Variants in SPAG16 observed in about 807,000 individuals in gnomAD.
SPAG16 encodes the protein sperm associated antigen 16.
Under a neutral mutation model 80.4 loss-of-function variants are expected in SPAG16, and 86 were observed. The observed-to-expected ratio is 1.07, with a 90% CI of 0.90 to 1.28. The LOEUF is 1.28. SPAG16 is among the 50% of genes most tolerant of loss of function. SPAG16 has a pLI of 0.00. For missense variants in SPAG16, 870 were observed against 765.3 expected (o/e 1.14, Z -1.61); for synonymous variants, 294 against 265.9 (o/e 1.11, Z -1.03).
intron 15 of SPAG16, among the ~76,000 whole-genome samples, chr2:214,293,684 C>T (rs1157116403): frequency 6.6e-6 from 1 of 152,202 alleles, no homozygotes; most frequent in Non-Finnish European, 1.5e-5. Context: ...AGCTGTGGAG[C>T]TCATGGTTTG....
At chr2:213,576,255 G>T (rs561478433) in intron 10 of SPAG16, among the ~76,000 whole-genome samples, 1 of 152,052 alleles carries the variant, frequency 6.6e-6, no homozygotes, top group Non-Finnish European at 1.5e-5. Flanking sequence ...TTATTTCTGG[G>T]TTCTCTATTC....
At chr2:213,998,228 G>A (rs1258293184) in intron 12 of SPAG16, among the ~76,000 whole-genome samples, 2 of 152,114 alleles carry the variant, frequency 1.3e-5, no homozygotes, top group Non-Finnish European at 2.9e-5. Context: ...AAGTGATATG[G>A]TTTGGCTTTG....
At chr2:214,323,723 A>T (rs1389625512) in intron 15 of SPAG16, among the ~76,000 whole-genome samples, 1 of 152,236 alleles carries the variant, frequency 6.6e-6, no homozygotes, top group Non-Finnish European at 1.5e-5. Flanking sequence ...AAACTAATAA[A>T]CAAAATTCTC....
intron 15 of SPAG16, among the ~76,000 whole-genome samples, chr2:214,199,218 A>G (rs1273387749): frequency 6.6e-6 from 1 of 152,152 alleles, no homozygotes; most frequent in Admixed American, 6.6e-5. Context: ...GTTAACTTCT[A>G]GAAGTTTTAT....
chr2:214,148,783 A>G (rs2055797873), intron 14 of SPAG16, among the ~76,000 whole-genome samples: 1 of 152,042 alleles, frequency 6.6e-6, no homozygotes, highest in Non-Finnish European at 1.5e-5. Flanking sequence ...ATGTATATAT[A>G]TGCAAATTAT....
chr2:213,928,090 C>CTT (rs369952903), intron 11 of SPAG16, among the ~76,000 whole-genome samples: 155 of 152,106 alleles, frequency 1.0e-3, no homozygotes, highest in African/African-American at 3.3e-3. Context: ...CTTCTCTTCT[C>CTT]TTCTCTTTTC....
At chr2:214,302,306 A>G (rs1171618554) in intron 15 of SPAG16, among the ~76,000 whole-genome samples, 1 of 152,210 alleles carries the variant, frequency 6.6e-6, no homozygotes, top group Non-Finnish European at 1.5e-5. Context: ...CCTGGTCTAG[A>G]GTTCAGTTTA....
At chr2:214,354,220 T>C (rs1698617865) in intron 15 of SPAG16, among the ~76,000 whole-genome samples, 1 of 152,174 alleles carries the variant, frequency 6.6e-6, no homozygotes, top group Non-Finnish European at 1.5e-5. Flanking sequence ...TACATATGGC[T>C]AGCCAGTTTT....
At chr2:213,619,172 A>G (rs2061692276) in intron 10 of SPAG16, among the ~76,000 whole-genome samples, 1 of 152,132 alleles carries the variant, frequency 6.6e-6, no homozygotes, top group Non-Finnish European at 1.5e-5. Context: ...TAAACTGTGG[A>G]CCCTTCCCTC....
chr2:214,191,914 C>G (rs1423318393), intron 15 of SPAG16, among the ~76,000 whole-genome samples: 3 of 151,636 alleles, frequency 2.0e-5, no homozygotes, highest in African/African-American at 7.3e-5. Flanking sequence ...TTTTAATATG[C>G]AAATTCCTGA....
chr2:213,574,709 GATAT>G (rs933555265), intron 10 of SPAG16, among the ~76,000 whole-genome samples: 1 of 143,640 alleles, frequency 7.0e-6, no homozygotes, highest in Non-Finnish European at 1.5e-5. Context: ...TATGATATAT[GATAT>G]ATATATATAT....
chr2:214,198,999 G>A (rs764712340), intron 15 of SPAG16, among the ~76,000 whole-genome samples: 4 of 152,004 alleles, frequency 2.6e-5, no homozygotes, highest in Middle Eastern at 3.4e-3. Flanking sequence ...ATTCTGGATA[G>A]TGGCCCTTTG....
At chr2:213,501,275 A>C (rs1048320794) in intron 10 of SPAG16, among the ~76,000 whole-genome samples, 1 of 152,214 alleles carries the variant, frequency 6.6e-6, no homozygotes, top group Admixed American at 6.5e-5. Flanking sequence ...GAAGCCTAAC[A>C]AATTGTTGAT....
chr2:213,338,876 T>C (rs2064525204), intron 5 of SPAG16, among the ~76,000 whole-genome samples: 1 of 152,030 alleles, frequency 6.6e-6, no homozygotes, highest in Admixed American at 6.6e-5. Context: ...GTGGAGTATG[T>C]GGTTGGGGGA....
At chr2:213,700,222 A>G (rs2065345784) in intron 10 of SPAG16, among the ~76,000 whole-genome samples, 1 of 152,162 alleles carries the variant, frequency 6.6e-6, no homozygotes, top group Admixed American at 6.5e-5. Flanking sequence ...GACTGCTAAA[A>G]AAAAAAAACA....
At chr2:213,993,523 C>A (rs1043652957) in intron 12 of SPAG16, among the ~76,000 whole-genome samples, 6 of 152,068 alleles carry the variant, frequency 3.9e-5, no homozygotes, top group Non-Finnish European at 7.4e-5. Flanking sequence ...GGAAATTATA[C>A]CTACATTGAG....
chr2:213,896,303 C>T (rs2076987316), intron 11 of SPAG16, among the ~76,000 whole-genome samples: 1 of 151,786 alleles, frequency 6.6e-6, no homozygotes, highest in South Asian at 2.1e-4. Context: ...AAGACAGATG[C>T]TGGTGATGAT....
intron 13 of SPAG16, among the ~76,000 whole-genome samples, chr2:214,039,057 T>C (rs1406325313): frequency 3.3e-5 from 5 of 152,088 alleles, no homozygotes; most frequent in Non-Finnish European, 5.9e-5. Flanking sequence ...GGTATATACC[T>C]AGTAATGGGA....
intron 7 of SPAG16, among the ~76,000 whole-genome samples, chr2:213,359,742 C>T (rs571095179): frequency 5.9e-5 from 9 of 152,202 alleles, no homozygotes; most frequent in East Asian, 1.9e-4. Flanking sequence ...GGTGAGGCAA[C>T]GCCCTGCCCT....
Sources: allele counts gnomAD v4.1 joint callset (sites outside exome capture counted in the v4.1 genomes callset), GRCh38; gene constraint gnomAD v4.1.1; transcripts MANE v1.5; gene names NCBI Gene and HGNC (gene_info 2026-07-23, HGNC 2026-07-21).